Variants in EYA1 observed in about 807,000 individuals in gnomAD.
The protein encoded by EYA1 is protein phosphatase EYA1.
A neutral mutation model predicts 82.0 loss-of-function variants in EYA1; 16 were observed. That is an observed-to-expected ratio of 0.20 (90% CI 0.13 to 0.30). The LOEUF (loss-of-function observed/expected upper bound fraction) is 0.30, where lower values mean the gene tolerates loss of function less well. Among genes scored for constraint, EYA1 ranks in the 10% least tolerant of loss-of-function variants. EYA1 has a pLI of 1.00. For missense variants in EYA1, 633 were observed against 730.7 expected (o/e 0.87, Z 1.54); for synonymous variants, 261 against 264.4 (o/e 0.99, Z 0.12).
At chr8:71,307,144 C>A (rs1014373746) in intron 7 of EYA1, among the ~76,000 whole-genome samples, 1 of 152,000 alleles carries the variant, frequency 6.6e-6, no homozygotes, top group Admixed American at 6.5e-5. Context: ...GACTTTAAGG[C>A]CCACAAAAGA....
intron 2 of EYA1, among the ~76,000 whole-genome samples, chr8:71,447,291 A>AT (rs527987807): frequency 3.3e-5 from 5 of 151,522 alleles, no homozygotes; most frequent in Non-Finnish European, 4.4e-5. Context: ...TTCCTAATCT[A>AT]TTTTTTTTAA....
At chr8:71,213,828 T>G (rs1357846696) in intron 16 of EYA1, among the ~76,000 whole-genome samples, 1 of 152,206 alleles carries the variant, frequency 6.6e-6, no homozygotes, top group Non-Finnish European at 1.5e-5. Flanking sequence ...AAAGAAATCT[T>G]GTGTCGGCCT....
At chr8:71,439,203 G>C (rs997286821) in intron 2 of EYA1, among the ~76,000 whole-genome samples, 3 of 152,058 alleles carry the variant, frequency 2.0e-5, no homozygotes, top group South Asian at 2.1e-4. Context: ...ACCAAAGCTG[G>C]GACTAGAACC....
chr8:71,384,872 A>C (rs937312029), intron 2 of EYA1, among the ~76,000 whole-genome samples: 11 of 152,294 alleles, frequency 7.2e-5, no homozygotes, highest in African/African-American at 2.4e-4. Flanking sequence ...CGTGCTTTCT[A>C]CTACTAGATT....
intron 1 of EYA1, among the ~76,000 whole-genome samples, chr8:71,359,669 T>C (rs1233385380): frequency 2.6e-5 from 4 of 152,174 alleles, no homozygotes; most frequent in African/African-American, 9.7e-5. Context: ...TTGTCTAAAT[T>C]ACGGGTTTTC....
intron 2 of EYA1, among the ~76,000 whole-genome samples, chr8:71,446,248 G>A (rs1034163796): frequency 6.6e-6 from 1 of 152,076 alleles, no homozygotes; most frequent in African/African-American, 2.4e-5. Context: ...GTTGAGGGCG[G>A]GTCCTGGTAG....
intron 9 of EYA1, among the ~76,000 whole-genome samples, chr8:71,283,458 C>A (rs925643643): frequency 2.6e-5 from 4 of 152,124 alleles, no homozygotes; most frequent in African/African-American, 9.7e-5. Context: ...ACGGCAGAGG[C>A]TTGATTTTTG....
chr8:71,283,151 C>A (rs1818007563), intron 9 of EYA1, among the ~76,000 whole-genome samples: 1 of 152,112 alleles, frequency 6.6e-6, no homozygotes, highest in East Asian at 1.9e-4. Context: ...CCCAGAGGCT[C>A]CAATGCCTTA....
intron 12 of EYA1, among the ~76,000 whole-genome samples, chr8:71,218,132 A>G (rs899328171): frequency 2.0e-5 from 3 of 152,154 alleles, no homozygotes; most frequent in Non-Finnish European, 4.4e-5. Context: ...TTAAAGTTTT[A>G]GTTTAAAAAT....
At chr8:71,439,821 C>T (rs1453205070) in intron 2 of EYA1, among the ~76,000 whole-genome samples, 2 of 152,164 alleles carry the variant, frequency 1.3e-5, no homozygotes, top group Non-Finnish European at 2.9e-5. Flanking sequence ...AGCTCCTCTA[C>T]TCAACTAGCT....
chr8:71,459,831 T>A (rs1808232781), intron 2 of EYA1, among the ~76,000 whole-genome samples: 1 of 152,180 alleles, frequency 6.6e-6, no homozygotes, highest in South Asian at 2.1e-4. Context: ...AAGATAACTG[T>A]CAATTTGCAT....
At chr8:71,408,697 A>C (rs1254996012) in intron 2 of EYA1, among the ~76,000 whole-genome samples, 1 of 121,914 alleles carries the variant, frequency 8.2e-6, no homozygotes, top group Non-Finnish European at 1.7e-5. Context: ...TATGCACCCA[A>C]TACAGGAGCA....
At chr8:71,478,232 A>G (rs1238074169) in intron 2 of EYA1, among the ~76,000 whole-genome samples, 2 of 152,200 alleles carry the variant, frequency 1.3e-5, no homozygotes, top group African/African-American at 2.4e-5. Flanking sequence ...GTCAGCAACA[A>G]TTATTTTTAA....
At chr8:71,420,879 C>T (rs1421410154) in intron 2 of EYA1, among the ~76,000 whole-genome samples, 1 of 152,144 alleles carries the variant, frequency 6.6e-6, no homozygotes, top group Non-Finnish European at 1.5e-5. Context: ...CAAAATTTGA[C>T]CCAGGTTGTC....
rs565623775 is a variant in EYA1, at chr8:71,470,063, C to T, written c.33+65681G>A. Among the ~76,000 whole-genome samples, 470 of 152,100 alleles carry T rather than the reference C, an allele frequency of 3.1e-3. 1 individual carries two copies. Among genetic ancestry groups the T allele is most frequent in the Middle Eastern group, 6.8e-3 (2 of 294 alleles). On this transcript the variant is annotated intron_variant, in intron 2 of 18. Coordinates refer to the EYA1 transcript ENST00000643681. ...TGCCAGAGTCAGTAGCTGTTACTTA[C>T]AAGAAACAAACAAAAAAATGTAACT...
intron 9 of EYA1, among the ~76,000 whole-genome samples, chr8:71,273,612 T>G (rs1816801106): frequency 6.6e-6 from 1 of 152,244 alleles, no homozygotes; most frequent in Admixed American, 6.5e-5. Context: ...TTAAAAAATA[T>G]TCTGCAATGT....
At chr8:71,203,823 A>C (rs1412165487) in intron 17 of EYA1, among the ~76,000 whole-genome samples, 9 of 152,148 alleles carry the variant, frequency 5.9e-5, no homozygotes, top group Non-Finnish European at 1.0e-4. Context: ...TTACAGTGGA[A>C]ATGGAGTGGG....
intron 3 of EYA1, among the ~76,000 whole-genome samples, chr8:71,342,888 C>T (rs757821839): frequency 6.6e-6 from 1 of 152,138 alleles, no homozygotes; most frequent in Non-Finnish European, 1.5e-5. Flanking sequence ...AGCCTGTGAG[C>T]TCCTTAAGAC....
rs779045401 is a variant in EYA1, at chr8:71,271,853, C to G, written c.871G>C (p.Asp291His). 9 of 1,614,184 alleles carry G rather than the reference C, an allele frequency of 5.6e-6. No homozygotes were observed. Among genetic ancestry groups the G allele is most frequent in the Non-Finnish European group, 6.8e-6 (8 of 1,180,032 alleles). ...GAACCTCGACGCAATCGATCAGAATCTGAATCTTTAATGGGTGTTGATGGG... is the reference window on the plus strand; with the variant it reads ...GAACCTCGACGCAATCGATCAGAATGTGAATCTTTAATGGGTGTTGATGGG... ...HSPSTPIKDSDSDRLRRGSDG... is the reference protein window; with the variant it reads ...HSPSTPIKDSHSDRLRRGSDG... The change falls in exon 10 of 18, where the codon GAT becomes CAT. Residue 291 changes from aspartate (D) to histidine (H), a missense_variant. Asp to His is a moderately conservative substitution (Grantham distance 81). Transcript: ENST00000340726.
Sources: gnomAD v4.1 joint callset for allele counts (sites outside exome capture counted in the v4.1 genomes callset) on GRCh38, gnomAD v4.1.1 for gene constraint, MANE v1.5 for transcripts, NCBI Gene and HGNC (gene_info 2026-07-23, HGNC 2026-07-21) for gene names.